LRRTM3: variants seen among roughly 807,000 people sequenced by gnomAD.
The protein encoded by LRRTM3 is leucine rich repeat transmembrane neuronal 3.
A neutral mutation model predicts 44.7 loss-of-function variants in LRRTM3; 24 were observed. The observed-to-expected ratio is 0.54, with a 90% CI of 0.39 to 0.76. LRRTM3 has a LOEUF of 0.76. Ranked by LOEUF, LRRTM3 falls within the 30% of genes least tolerant of loss-of-function variation. The probability of loss-of-function intolerance (pLI) is 0.00; values close to 1 mark genes in which losing one functional copy is unlikely to be tolerated. For missense variants in LRRTM3, 587 were observed against 702.2 expected (o/e 0.84, Z 1.85); for synonymous variants, 277 against 278.7 (o/e 0.99, Z 0.06).
At chr10:67,088,992 A>C (rs1054816863) in intron 2 of LRRTM3, among the ~76,000 whole-genome samples, 1 of 152,062 alleles carries the variant, frequency 6.6e-6, no homozygotes, top group African/African-American at 2.4e-5. Context: ...ACTTAGATAG[A>C]ATATACATTG....
chr10:66,993,215 G>C (rs926526907), intron 2 of LRRTM3, among the ~76,000 whole-genome samples: 3 of 152,128 alleles, frequency 2.0e-5, no homozygotes, highest in Non-Finnish European at 4.4e-5. Context: ...GTATCTCTAT[G>C]TGGCTATTTG....
At chr10:66,964,026 T>G (rs1028992481) in intron 2 of LRRTM3, among the ~76,000 whole-genome samples, 4 of 151,734 alleles carry the variant, frequency 2.6e-5, no homozygotes, top group African/African-American at 9.7e-5. Context: ...TTCGTATTTT[T>G]TTTTCAGTAG....
At chr10:66,978,943 C>T (rs1053037849) in intron 2 of LRRTM3, among the ~76,000 whole-genome samples, 1 of 149,206 alleles carries the variant, frequency 6.7e-6, no homozygotes, top group African/African-American at 2.5e-5. Flanking sequence ...AATAGCCACT[C>T]CTCACATACT....
At chr10:67,086,973 G>T (rs191312996) in intron 2 of LRRTM3, among the ~76,000 whole-genome samples, 5 of 151,946 alleles carry the variant, frequency 3.3e-5, no homozygotes, top group African/African-American at 9.7e-5. Flanking sequence ...AAAGAAGAAT[G>T]AGATGTTTTC....
At chr10:67,055,913 G>A (rs1176634196) in intron 2 of LRRTM3, among the ~76,000 whole-genome samples, 1 of 152,152 alleles carries the variant, frequency 6.6e-6, no homozygotes, top group East Asian at 1.9e-4. Context: ...GGGAATTCTG[G>A]TCAAGGAGGA....
intron 2 of LRRTM3, among the ~76,000 whole-genome samples, chr10:67,071,840 A>AT (rs1856485600): frequency 6.6e-6 from 1 of 152,214 alleles, no homozygotes; most frequent in Admixed American, 6.5e-5. Context: ...TCAGTTCACT[A>AT]AACTTGTATT....
intron 2 of LRRTM3, among the ~76,000 whole-genome samples, chr10:67,095,216 T>C (rs1324051755): frequency 2.6e-5 from 4 of 151,698 alleles, no homozygotes; most frequent in African/African-American, 4.8e-5. Context: ...CATCTTACTA[T>C]GTTATTTTAT....
At chr10:67,096,738 T>C (rs10822975) in intron 2 of LRRTM3, among the ~76,000 whole-genome samples, 84,203 of 151,624 alleles carry the variant, frequency 0.56, 24,744 homozygotes, top group African/African-American at 0.76. Context: ...TTTCCCTCAC[T>C]TTTAGAACTT....
In LRRTM3 at chr10:66,926,402, T is replaced by C; in HGVS notation, c.-182T>C. Reference sequence around the variant, plus strand: ...TGTTGGGATTTATTTGTTCTTGGAGTGTTCTGCGTGGCTGGCAAAGAATAA... The same window carrying C: ...TGTTGGGATTTATTTGTTCTTGGAGCGTTCTGCGTGGCTGGCAAAGAATAA... On this transcript the variant is annotated 5_prime_UTR_variant, in exon 1 of 3. Coordinates refer to ENST00000361320, the MANE Select transcript of LRRTM3 (RefSeq NM_178011.5). The C allele has an allele frequency of 1.5e-6, 1 of 683,934 alleles. No homozygotes were observed. The highest frequency in any genetic ancestry group is 2.6e-6 in the Non-Finnish European group (1 of 379,116). The allele number at this position is 683,934 out of a possible 1,614,324, so 42.4% of individuals were successfully genotyped here. A position where few individuals can be genotyped will look rare whatever the true frequency, so the allele number is the denominator to read the frequency against.
intron 2 of LRRTM3, among the ~76,000 whole-genome samples, chr10:67,055,183 A>G (rs1235971868): frequency 6.6e-6 from 1 of 152,158 alleles, no homozygotes; most frequent in Non-Finnish European, 1.5e-5. Flanking sequence ...GGCTCTTTGC[A>G]TCTCAACTTT....
intron 2 of LRRTM3, among the ~76,000 whole-genome samples, chr10:66,951,119 T>A (rs12761564): frequency 5.2e-5 from 7 of 135,584 alleles, no homozygotes; most frequent in African/African-American, 5.1e-5. Context: ...ACACACACAC[T>A]GTCTTTTTTT....
intron 2 of LRRTM3, among the ~76,000 whole-genome samples, chr10:67,011,914 GC>G (rs1338727829): frequency 1.3e-5 from 2 of 152,048 alleles, no homozygotes; most frequent in African/African-American, 2.4e-5. Context: ...ATAAACACCT[GC>G]CCTTGAAACC....
intron 2 of LRRTM3, among the ~76,000 whole-genome samples, chr10:67,039,021 C>T (rs994127895): frequency 2.6e-5 from 4 of 151,884 alleles, no homozygotes; most frequent in Admixed American, 6.6e-5. Flanking sequence ...GTAGAAAATT[C>T]GTGTTAGAAA....
At chr10:67,096,446 G>T (rs10762138) in intron 2 of LRRTM3, among the ~76,000 whole-genome samples, 84,176 of 151,608 alleles carry the variant, frequency 0.56, 24,730 homozygotes, top group African/African-American at 0.76. Context: ...CAGAAAGGAA[G>T]TTAGTCTGAT....
rs187640864 is a variant in LRRTM3, at chr10:66,970,345, C to T, written c.1536+41893C>T. ...CAGCACTATCTCTTAGGAAGTCATC[C>T]ATATATTACCTGCATACACAGTCAG... On this transcript the variant is annotated intron_variant, in intron 2 of 2. Transcript: ENST00000361320. Among the ~76,000 whole-genome samples, 7 of 152,146 alleles carry T rather than the reference C, an allele frequency of 4.6e-5. No individual in the cohort carries two copies. In the East Asian group the frequency reaches 1.4e-3, roughly 29 times the overall value.
intron 2 of LRRTM3, among the ~76,000 whole-genome samples, chr10:67,037,230 T>C (rs1292648131): frequency 2.6e-5 from 4 of 152,164 alleles, no homozygotes; most frequent in Non-Finnish European, 5.9e-5. Flanking sequence ...AATGTGTCAG[T>C]AAGCATCAGC....
intron 2 of LRRTM3, among the ~76,000 whole-genome samples, chr10:67,004,947 C>A (rs189940876): frequency 6.6e-5 from 10 of 152,018 alleles, no homozygotes; most frequent in Non-Finnish European, 8.8e-5. Flanking sequence ...TGTATTACCC[C>A]CAAAGAAAAG....
At chr10:67,095,164 T>C (rs1418703433) in intron 2 of LRRTM3, among the ~76,000 whole-genome samples, 1 of 151,666 alleles carries the variant, frequency 6.6e-6, no homozygotes, top group Non-Finnish European at 1.5e-5. Context: ...ACTGTGATGC[T>C]GTATTCAGAT....
At chr10:67,096,187 G>T (rs1857980703) in intron 2 of LRRTM3, among the ~76,000 whole-genome samples, 1 of 151,806 alleles carries the variant, frequency 6.6e-6, no homozygotes, top group African/African-American at 2.4e-5. Context: ...AATCTTAAAA[G>T]AAGTGATTAG....
Sources: gnomAD v4.1 joint callset for allele counts (sites outside exome capture counted in the v4.1 genomes callset) on GRCh38, gnomAD v4.1.1 for gene constraint, MANE v1.5 for transcripts, NCBI Gene and HGNC (gene_info 2026-07-23, HGNC 2026-07-21) for gene names.